Variants in NSD3 observed in about 807,000 individuals in gnomAD.
NSD3 encodes histone-lysine N-methyltransferase NSD3.
Under a neutral mutation model 160.8 loss-of-function variants are expected in NSD3, and 24 were observed. The ratio of observed to expected loss-of-function variants is 0.15; its 90% confidence interval spans 0.11 to 0.21. The LOEUF is 0.21. Among genes scored for constraint, NSD3 ranks in the 10% least tolerant of loss-of-function variants. The pLI is 1.00. For missense variants in NSD3, 1,157 were observed against 1,735.9 expected (o/e 0.67, Z 5.93); for synonymous variants, 520 against 600.0 (o/e 0.87, Z 1.95).
chr8:38,380,120 T>G (rs772349353), intron 1 of NSD3, among the ~76,000 whole-genome samples: 3 of 152,142 alleles, frequency 2.0e-5, no homozygotes, highest in Admixed American at 1.3e-4. Flanking sequence ...TGTGCTGAAC[T>G]GGCATCTGGA....
At chr8:38,297,349 C>T (rs1051026627) in intron 15 of NSD3, among the ~76,000 whole-genome samples, 11 of 152,048 alleles carry the variant, frequency 7.2e-5, no homozygotes, top group African/African-American at 2.4e-4. Context: ...TATTTCAATA[C>T]GTGACAGCGA....
At chr8:38,290,289 A>G (rs1808972074) in intron 17 of NSD3, among the ~76,000 whole-genome samples, 186 bp downstream of exon 17, 1 of 152,198 alleles carries the variant, frequency 6.6e-6, no homozygotes, top group Non-Finnish European at 1.5e-5. Context: ...TCAAATACAC[A>G]GCACAGTCTA....
At chr8:38,375,243 A>G (rs1811359679) in intron 1 of NSD3, among the ~76,000 whole-genome samples, 1 of 152,164 alleles carries the variant, frequency 6.6e-6, no homozygotes, top group Admixed American at 6.5e-5. Context: ...CTAAATGTAG[A>G]TGGAAAAAAG....
intron 12 of NSD3, among the ~76,000 whole-genome samples, chr8:38,307,315 A>G (rs1809432722): frequency 6.6e-6 from 1 of 151,946 alleles, no homozygotes; most frequent in African/African-American, 2.4e-5. Flanking sequence ...ATCCAGAGTA[A>G]TTGGGACTAC....
At chr8:38,357,708 T>C (rs1274471998) in intron 1 of NSD3, among the ~76,000 whole-genome samples, 3 of 152,180 alleles carry the variant, frequency 2.0e-5, no homozygotes, top group Non-Finnish European at 4.4e-5. Flanking sequence ...CAGGAAGTAA[T>C]GTTATTCCCA....
At chr8:38,292,703 G>A (rs1436582531) in intron 16 of NSD3, among the ~76,000 whole-genome samples, 2 of 151,770 alleles carry the variant, frequency 1.3e-5, no homozygotes, top group Admixed American at 1.3e-4. Context: ...GCAGGAGAAT[G>A]GCGTGAACCC....
intron 19 of NSD3, among the ~76,000 whole-genome samples, chr8:38,285,643 G>A (rs1023031064): frequency 6.6e-6 from 1 of 152,176 alleles, no homozygotes; most frequent in Admixed American, 6.5e-5. Context: ...ATGGATTTCA[G>A]GATGGCCCCA....
rs1257498954 is a variant in NSD3, at chr8:38,270,211, TATTA to T, written c.*5426_*5429del. The stretch of plus-strand genomic sequence containing the variant: ...ACTTTAGTGAATATTGATGCTTTGT[TATTA>T]AAGACTCAAGTCTCAAGTGATTTAG... On this transcript the variant is annotated 3_prime_UTR_variant, in exon 24 of 24. Coordinates refer to ENST00000317025, the MANE Select transcript of NSD3 (RefSeq NM_023034.2). 2 of 152,230 alleles carry T rather than the reference TATTA, an allele frequency of 1.3e-5. No homozygotes were observed. Among genetic ancestry groups the T allele is most frequent in the Non-Finnish European group, 2.9e-5 (2 of 68,044 alleles). 9.4% of individuals were successfully genotyped at this position (152,230 alleles called of 1,614,324 possible).
At chr8:38,375,528 T>A (rs1489251651) in intron 1 of NSD3, among the ~76,000 whole-genome samples, 7 of 152,146 alleles carry the variant, frequency 4.6e-5, no homozygotes, top group Non-Finnish European at 1.0e-4. Context: ...GTGTTTAAAG[T>A]CTTTATTACA....
Position 38,347,832 on chromosome 8 carries a change from AATG to A in NSD3, c.337_339del (p.His113del). On this transcript the variant is annotated inframe_deletion, in exon 2 of 24. Transcript: ENST00000317025. ...TGTGGTCTTGTGTTTGGAATTTCTG[AATG>A]ATAATAGTCAGTGGGGCTAAAGTTT... 2 of 1,614,184 alleles carry A rather than the reference AATG, an allele frequency of 1.2e-6. No individual in the cohort carries two copies. Among genetic ancestry groups the A allele is most frequent in the South Asian group, 1.1e-5 (1 of 91,088 alleles).
chr8:38,309,524 C>T (rs368787738), intron 12 of NSD3, among the ~76,000 whole-genome samples: 1 of 151,852 alleles, frequency 6.6e-6, no homozygotes, highest in South Asian at 2.1e-4. Context: ...GTGCTGCGTG[C>T]CTGTAGTCCC....
chr8:38,352,664 AAC>A (rs1810730788), intron 1 of NSD3, among the ~76,000 whole-genome samples: 1 of 151,482 alleles, frequency 6.6e-6, no homozygotes, highest in Non-Finnish European at 1.5e-5. Context: ...GGAGTGCAGA[AAC>A]ACACAATCAC....
Position 38,329,323 on chromosome 8 carries a change from G to A in NSD3, c.1581+55C>T. On this transcript the variant is annotated intron_variant, in intron 6 of 23. Coordinates refer to ENST00000317025, the MANE Select transcript of NSD3 (RefSeq NM_023034.2). The surrounding 1 kb of genome is among the most constrained non-coding windows in gnomAD (Gnocchi z 4.8). ...CAAGGTCATTGTTTTAAATGCCAAG[G>A]TTGACCACTTTTAAAATACCATCCC... The A allele has an allele frequency of 6.4e-7, 1 of 1,561,232 alleles. No individual in the cohort carries two copies. Among genetic ancestry groups the A allele is most frequent in the Non-Finnish European group, 8.7e-7 (1 of 1,151,808 alleles).
rs1302447198 is a variant in NSD3 at position 38,304,568 on chromosome 8, A to T, written c.2611+19T>A. The T allele has an allele frequency of 3.1e-6, 5 of 1,595,314 alleles. No homozygotes were observed. The East Asian group carries it at 1.1e-4, about 36-fold the overall frequency. On this transcript the variant is annotated intron_variant, in intron 14 of 23. Transcript: ENST00000317025. ...CCAATGACCTCAAAAATAAATGAAGAGAAAAGTCAGACACTCACCTCTGGC... is the reference window on the plus strand; with the variant it reads ...CCAATGACCTCAAAAATAAATGAAGTGAAAAGTCAGACACTCACCTCTGGC...
Position 38,329,624 on chromosome 8 carries a change from A to C in NSD3, c.1335T>G (p.Thr445=), listed in dbSNP as rs1443518871. Residue 445 remains threonine (T), a synonymous_variant, in exon 6 of 24, where the codon ACT becomes ACG. Transcript: ENST00000317025. The surrounding 1 kb of genome is among the most constrained non-coding windows in gnomAD (Gnocchi z 4.8). ...AGEVASSLSS[T]EIRRHSQRRH... ...GCCTCTGGCTATGTCTCCGAATTTC[A>C]GTACTTGAGAGTGAGGAGGCCACCT... The C allele has an allele frequency of 1.6e-5, 26 of 1,614,044 alleles. No homozygotes were observed. Among genetic ancestry groups the C allele is most frequent in the Non-Finnish European group, 2.2e-5 (26 of 1,180,050 alleles).
chr8:38,347,203 T>G (rs1229305564), intron 2 of NSD3, among the ~76,000 whole-genome samples: 1 of 152,226 alleles, frequency 6.6e-6, no homozygotes, highest in Non-Finnish European at 1.5e-5. Flanking sequence ...CTCTTGATTT[T>G]CAAAAACCAA....
At position 38,318,158 on chromosome 8, in the gene NSD3, G is replaced by T; in HGVS notation, c.1855+737C>A. ...CGAGAGGCTGTTCAGTTCTGCTGAG[G>T]ATCTCCACGGAGACCATCGCTGCAG... On this transcript the variant is annotated intron_variant, in intron 9 of 23. Transcript: ENST00000317025. This position sits in a 1 kb window ranked among gnomAD's most constrained non-coding sequence, Gnocchi z 5.3. The T allele has an allele frequency of 8.7e-7, 1 of 1,148,392 alleles. No individual in the cohort carries two copies. Among genetic ancestry groups the T allele is most frequent in the Non-Finnish European group, 1.2e-6 (1 of 808,314 alleles). The allele number at this position is 1,148,392 out of a possible 1,614,324, so 71.1% of individuals were successfully genotyped here.
chr8:38,329,318 C>T lies in NSD3; in HGVS notation c.1581+60G>A, dbSNP rs1585891508. 3.2e-6 allele frequency: 5 copies of T among 1,547,776 alleles called. No homozygotes were observed. In the Admixed American group the frequency reaches 5.7e-5, roughly 18 times the overall value. On this transcript the variant is annotated intron_variant, in intron 6 of 23. Coordinates refer to ENST00000317025, the MANE Select transcript of NSD3 (RefSeq NM_023034.2). This position sits in a 1 kb window ranked among gnomAD's most constrained non-coding sequence, Gnocchi z 4.8. Reference sequence around the variant, plus strand: ...TATGCCAAGGTCATTGTTTTAAATGCCAAGGTTGACCACTTTTAAAATACC... The same window carrying T: ...TATGCCAAGGTCATTGTTTTAAATGTCAAGGTTGACCACTTTTAAAATACC...
chr8:38,313,885 C>A (rs1333034181), intron 12 of NSD3, among the ~76,000 whole-genome samples: 2 of 151,068 alleles, frequency 1.3e-5, no homozygotes, highest in African/African-American at 4.9e-5. Flanking sequence ...TGTAAGAATC[C>A]AAATAAAAGG....
Sources: allele counts gnomAD v4.1 joint callset (sites outside exome capture counted in the v4.1 genomes callset), GRCh38; gene constraint gnomAD v4.1.1; non-coding constraint Gnocchi (gnomAD v3.1); transcripts MANE v1.5; gene names NCBI Gene and HGNC (gene_info 2026-07-23, HGNC 2026-07-21).